Variants in CALHM2 observed in about 807,000 individuals in gnomAD.
The protein encoded by CALHM2 is calcium homeostasis modulator family member 2, also known as calcium homeostasis modulator protein 2.
In CALHM2, 18 loss-of-function variants were observed where a neutral mutation model predicts 20.4. The observed-to-expected ratio is 0.88, with a 90% confidence interval of 0.61 to 1.31. The LOEUF is 1.31. CALHM2 is among the 50% of genes most tolerant of loss of function. The probability of loss-of-function intolerance (pLI) is 0.00; values close to 1 mark genes in which losing one functional copy is unlikely to be tolerated. For missense variants in CALHM2, 411 were observed against 435.7 expected (o/e 0.94, Z 0.50); for synonymous variants, 193 against 192.1 (o/e 1.00, Z -0.04).
chr10:103,451,031 T>C (rs2032952470), intron 2 of CALHM2, 52 bp downstream of exon 2: 1 of 152,160 alleles, frequency 6.6e-6, no homozygotes, highest in Non-Finnish European at 1.5e-5. Flanking sequence ...GGGAAGTGGA[T>C]AAGGGTGATT....
Position 103,447,043 on chromosome 10 carries a change from G to T in CALHM2, c.*109C>A. ...CCTTGTGGTCCTTTCCCCTGGCCAAGAAGATAACAGTTTTTTAAAAATCCC... is the reference window on the plus strand; with the variant it reads ...CCTTGTGGTCCTTTCCCCTGGCCAATAAGATAACAGTTTTTTAAAAATCCC... On this transcript the variant is annotated 3_prime_UTR_variant, in exon 4 of 4. Coordinates refer to ENST00000260743, the MANE Select transcript of CALHM2 (RefSeq NM_015916.5). The T allele has an allele frequency of 8.2e-7, 1 of 1,219,606 alleles. No individual in the cohort carries two copies. The highest frequency in any genetic ancestry group is 1.1e-6 in the Non-Finnish European group (1 of 879,124). The allele number at this position is 1,219,606 out of a possible 1,614,324, so 75.5% of individuals were successfully genotyped here.
intron 3 of CALHM2, among the ~76,000 whole-genome samples, chr10:103,447,784 C>T (rs539889295): frequency 5.9e-4 from 90 of 152,220 alleles, no homozygotes; most frequent in Non-Finnish European, 9.6e-4. Context: ...TTAAGAGCAC[C>T]TCCTTCCCCT....
Position 103,450,092 on chromosome 10 carries a change from G to A in CALHM2, c.-151C>T, listed in dbSNP as rs1363093171. ...TTTTATCCCCAGCTGTGGTTGGCCTGGTGTTTCCTGTGGAGCAGATGACCG... is the reference window on the plus strand; with the variant it reads ...TTTTATCCCCAGCTGTGGTTGGCCTAGTGTTTCCTGTGGAGCAGATGACCG... On this transcript the variant is annotated 5_prime_UTR_variant, in exon 3 of 4. An upstream open reading frame in the 5' UTR gains an earlier in-frame stop. Transcript: ENST00000260743. The A allele has an allele frequency of 3.0e-6, 2 of 671,878 alleles. No homozygotes were observed. The highest frequency in any genetic ancestry group is 5.0e-6 in the Non-Finnish European group (2 of 396,886). The allele number at this position is 671,878 out of a possible 1,614,324, so 41.6% of individuals were successfully genotyped here.
rs546991407 is a variant in CALHM2 at position 103,447,555 on chromosome 10, A to G, written c.569T>C (p.Leu190Pro). Residue 190 changes from leucine (L) to proline (P), a missense_variant, in exon 4 of 4, where the codon CTG becomes CCG. Leu to Pro is a moderately conservative substitution (Grantham distance 98, BLOSUM62 -3). Coordinates refer to ENST00000260743, the MANE Select transcript of CALHM2 (RefSeq NM_015916.5). ...LRYESQLFGW[L>P]LIGVVAILVF... Reference sequence around the variant, plus strand: ...CAGGATGGCCACCACGCCGATGAGCAGCCATCCAAAGAGCTGGCCAGAGAA... The same window carrying G: ...CAGGATGGCCACCACGCCGATGAGCGGCCATCCAAAGAGCTGGCCAGAGAA... 3 of 1,593,366 alleles carry G rather than the reference A, an allele frequency of 1.9e-6. No homozygotes were observed. The African/African-American group carries it at 4.0e-5, about 21-fold the overall frequency.
At position 103,449,543 on chromosome 10, in the gene CALHM2, ACT is replaced by A; in HGVS notation, c.397_398del (p.Ser133Ter). On this transcript the variant is annotated frameshift_variant, in exon 3 of 4. Coordinates refer to ENST00000260743, the MANE Select transcript of CALHM2 (RefSeq NM_015916.5). LOFTEE classifies it high-confidence loss of function. ...LRGEAYVCAL[S>X]EFVDPSSLTA... ...TGAGTGAGGAAGGGTCCACGAACTC[ACT>A]GAGAGCACAGACATAAGCCTCACCA... is the stretch of plus-strand genomic sequence containing the variant. 1 of 1,613,700 alleles carries A rather than the reference ACT, an allele frequency of 6.2e-7. No homozygotes were observed. The highest frequency in any genetic ancestry group is 8.5e-7 in the Non-Finnish European group (1 of 1,180,032).
At chr10:103,451,313 C>T (rs1432986694) in intron 1 of CALHM2, 28 bp from the exon 2 acceptor site, 1 of 152,546 alleles carries the variant, frequency 6.6e-6, no homozygotes, top group Non-Finnish European at 1.5e-5. Context: ...TGGCCTCGGG[C>T]AACAGCGAAG....
chr10:103,449,522 T>C lies in CALHM2; in HGVS notation c.420A>G (p.Ser140=), dbSNP rs201668640. The change falls in exon 3 of 4, where the codon TCA becomes TCG. Residue 140 remains serine (S), a synonymous_variant. Transcript: ENST00000260743. ...CALSEFVDPS[S]LTAREEHFPS... is the part of the protein sequence containing the mutation. Reference sequence around the variant, plus strand: ...GGAAGTGCTCTTCCCTGGCCGTGAGTGAGGAAGGGTCCACGAACTCACTGA... The same window carrying C: ...GGAAGTGCTCTTCCCTGGCCGTGAGCGAGGAAGGGTCCACGAACTCACTGA... The C allele has an allele frequency of 3.7e-6, 6 of 1,613,188 alleles. No individual in the cohort carries two copies. The highest frequency in any genetic ancestry group is 4.2e-6 in the Non-Finnish European group (5 of 1,179,978).
rs750963539 is a variant in CALHM2 at position 103,447,369 on chromosome 10, C to T, written c.755G>A (p.Gly252Asp). ...ATCATCCTTGTTGAGCGCCACAAAGCCAAAGAAGCGGCGCACATTGTTGGC... is the reference window on the plus strand; with the variant it reads ...ATCATCCTTGTTGAGCGCCACAAAGTCAAAGAAGCGGCGCACATTGTTGGC... ...LAANNVRRFF[G>D]FVALNKDDEE... is the part of the protein sequence containing the mutation. Residue 252 changes from glycine (G) to aspartate (D), a missense_variant, in exon 4 of 4, where the codon GGC becomes GAC. Transcript: ENST00000260743. The T allele has an allele frequency of 1.9e-6, 3 of 1,613,992 alleles. No homozygotes were observed. The South Asian group carries it at 3.3e-5, about 18-fold the overall frequency.
rs771983083 is a variant in CALHM2 at position 103,447,418 on chromosome 10, C to T, written c.706G>A (p.Glu236Lys). 2.7e-5 allele frequency: 43 copies of T among 1,614,092 alleles called. No homozygotes were observed. Among genetic ancestry groups the T allele is most frequent in the South Asian group, 7.7e-5 (7 of 91,088 alleles). ...NEDQLFQRTA[E>K]VHSRVLAANN... ...GCAGCGAGCACCCGAGAGTGCACCT[C>T]GGCCGTGCGCTGGAACAGCTGGTCC... Residue 236 changes from glutamate to lysine, a missense_variant, in exon 4 of 4, where the codon GAG becomes AAG. By Grantham distance (56) the Glu-to-Lys change is moderately conservative. Coordinates refer to ENST00000260743, the MANE Select transcript of CALHM2 (RefSeq NM_015916.5).
At chr10:103,447,600 G>GC (rs753381703) in intron 3 of CALHM2, 32 bp from the exon 4 acceptor site, 54 of 1,532,152 alleles carry the variant, frequency 3.5e-5, no homozygotes, top group Middle Eastern at 4.2e-4. Context: ...TTCAGGAGGG[G>GC]CGAGGAACTG....
chr10:103,449,425 G>C lies in CALHM2; in HGVS notation c.517C>G (p.Arg173Gly). Residue 173 changes from arginine (R) to glycine (G), a missense_variant, in exon 3 of 4, where the codon CGG becomes GGG. Physicochemically the swap from Arg to Gly is moderately radical, Grantham distance 125 (BLOSUM62 -2). Transcript: ENST00000260743. ...CTGAGCCTGCGGCTGACCTCCTCCC[G>C]GAAGTCTGACAGGTTGTCAGGGTTC... The part of the protein sequence containing the change: ...KENPDNLSDF[R>G]EEVSRRLRYE... 1 of 1,613,050 alleles carries C rather than the reference G, an allele frequency of 6.2e-7. No homozygotes were observed. Among genetic ancestry groups the C allele is most frequent in the Non-Finnish European group, 8.5e-7 (1 of 1,179,984 alleles).
chr10:103,447,367 A>G lies in CALHM2; in HGVS notation c.757T>C (p.Phe253Leu). 6.2e-7 allele frequency: 1 copy of G among 1,614,122 alleles called. No homozygotes were observed. Among genetic ancestry groups the G allele is most frequent in the South Asian group, 1.1e-5 (1 of 91,084 alleles). Reference protein sequence around the residue: ...AANNVRRFFGFVALNKDDEEL... With the variant: ...AANNVRRFFGLVALNKDDEEL... ...TCATCATCCTTGTTGAGCGCCACAAAGCCAAAGAAGCGGCGCACATTGTTG... is the reference window on the plus strand; with the variant it reads ...TCATCATCCTTGTTGAGCGCCACAAGGCCAAAGAAGCGGCGCACATTGTTG... The change falls in exon 4 of 4, where the codon TTT becomes CTT. Residue 253 changes from phenylalanine to leucine, a missense_variant. Coordinates refer to ENST00000260743, the MANE Select transcript of CALHM2 (RefSeq NM_015916.5).
chr10:103,447,880 TG>T (rs1359317217), intron 3 of CALHM2, among the ~76,000 whole-genome samples: 2 of 152,190 alleles, frequency 1.3e-5, no homozygotes, highest in African/African-American at 4.8e-5. Flanking sequence ...AAGGCCCCTC[TG>T]GGAGCACTTG....
intron 2 of CALHM2, chr10:103,450,725 A>G (rs1257629685): frequency 6.6e-6 from 1 of 152,256 alleles, no homozygotes; most frequent in Non-Finnish European, 1.5e-5. Context: ...GTCTGATCAC[A>G]CTTCATGACT....
At position 103,447,477 on chromosome 10, in the gene CALHM2, T is replaced by C. The variant is rs765462289; in HGVS notation, c.647A>G (p.Gln216Arg). The C allele has an allele frequency of 1.2e-6, 2 of 1,613,954 alleles. No homozygotes were observed. Among genetic ancestry groups the C allele is most frequent in the Non-Finnish European group, 8.5e-7 (1 of 1,179,846 alleles). Reference sequence around the variant, plus strand: ...GCGGTACTGCGCCCAGTAGGCCTCCTGGCGGTAGCTGAGTGGTGAGCAGTA... The same window carrying C: ...GCGGTACTGCGCCCAGTAGGCCTCCCGGCGGTAGCTGAGTGGTGAGCAGTA... Reference protein sequence around the residue: ...KHYCSPLSYRQEAYWAQYRAN... With the variant: ...KHYCSPLSYRREAYWAQYRAN... Residue 216 changes from glutamine to arginine, a missense_variant, in exon 4 of 4, where the codon CAG becomes CGG. Coordinates refer to ENST00000260743, the MANE Select transcript of CALHM2 (RefSeq NM_015916.5).
chr10:103,450,067 T>C lies in CALHM2; in HGVS notation c.-126A>G. On this transcript the variant is annotated 5_prime_UTR_variant, in exon 3 of 4. Transcript: ENST00000260743. ...TGGACGGCAGGGTGTGGTTGTGCTATTTTATCCCCAGCTGTGGTTGGCCTG... is the reference window on the plus strand; with the variant it reads ...TGGACGGCAGGGTGTGGTTGTGCTACTTTATCCCCAGCTGTGGTTGGCCTG... 1 of 816,864 alleles carries C rather than the reference T, an allele frequency of 1.2e-6. No individual in the cohort carries two copies. Among genetic ancestry groups the C allele is most frequent in the Non-Finnish European group, 1.9e-6 (1 of 517,348 alleles). 50.6% of individuals were successfully genotyped at this position (816,864 alleles called of 1,614,324 possible).
rs3837347 is a variant in CALHM2 at position 103,451,642 on chromosome 10, CAGGAGG to C, written c.-361-363_-361-358del. ...GGAGGAGGAGGACCAGGAGGAACAA[CAGGAGG>C]AGGAGGAGGAGGAGGAGGAGGAGGA... On this transcript the variant is annotated intron_variant, in intron 1 of 3. Transcript: ENST00000260743. The C allele has an allele frequency of 2.8e-3, 379 of 136,048 alleles. 1 individual carries two copies. Among genetic ancestry groups the C allele is most frequent in the Non-Finnish European group, 4.4e-3 (286 of 65,692 alleles). 8.4% of individuals were successfully genotyped at this position (136,048 alleles called of 1,614,324 possible).
Position 103,449,909 on chromosome 10 carries a change from G to A in CALHM2, c.33C>T (p.Phe11=). ...CCTTGCTCTTGAAGAAAAGTGACAG[G>A]AAGCGGAAGTTCTCTGCGATCAGGG... is the stretch of plus-strand genomic sequence containing the variant. MAALIAENFR[F]LSLFFKSKDV... Residue 11 remains phenylalanine (F), a synonymous_variant, in exon 3 of 4, where the codon TTC becomes TTT. Coordinates refer to ENST00000260743, the MANE Select transcript of CALHM2 (RefSeq NM_015916.5). 6.2e-7 allele frequency: 1 copy of A among 1,612,540 alleles called. No individual in the cohort carries two copies. The highest frequency in any genetic ancestry group is 8.5e-7 in the Non-Finnish European group (1 of 1,179,498).
rs2032652592 is a variant in CALHM2 at position 103,446,856 on chromosome 10, C to T, written c.*296G>A. 1 of 326,828 alleles carries T rather than the reference C, an allele frequency of 3.1e-6. No individual in the cohort carries two copies. Among genetic ancestry groups the T allele is most frequent in the Non-Finnish European group, 5.5e-6 (1 of 181,486 alleles). 20.2% of individuals were successfully genotyped at this position (326,828 alleles called of 1,614,324 possible). A position where few individuals can be genotyped will look rare whatever the true frequency, so the allele number is the denominator to read the frequency against. On this transcript the variant is annotated 3_prime_UTR_variant, in exon 4 of 4. Transcript: ENST00000260743. ...TAAGGCCAGAGGCTGCACTGGAGGC[C>T]ACTTCCCAGTGGTGCACTGCTGCGC...
Sources: gnomAD v4.1 joint callset for allele counts (sites outside exome capture counted in the v4.1 genomes callset) on GRCh38, gnomAD v4.1.1 for gene constraint, MANE v1.5 for transcripts, NCBI Gene and HGNC (gene_info 2026-07-23, HGNC 2026-07-21) for gene names.